HDAC9: variants seen among roughly 807,000 people sequenced by gnomAD.
HDAC9 encodes histone deacetylase 9, also known as MEF-2 interacting transcription repressor (MITR) protein.
HDAC9 carries 41 observed loss-of-function variants against 139.4 expected under a neutral mutation model. That is an observed-to-expected ratio of 0.29 (90% CI 0.23 to 0.38). The LOEUF (loss-of-function observed/expected upper bound fraction) is 0.38. Among genes scored for constraint, HDAC9 ranks in the 10% least tolerant of loss-of-function variants. The pLI is 1.00. For missense variants in HDAC9, 1,147 were observed against 1,297.0 expected (o/e 0.88, Z 1.78); for synonymous variants, 517 against 476.2 (o/e 1.09, Z -1.12).
intron 23 of HDAC9, among the ~76,000 whole-genome samples, chr7:18,945,198 G>T (rs1030196439): frequency 6.6e-6 from 1 of 152,136 alleles, no homozygotes; most frequent in African/African-American, 2.4e-5. Context: ...ACTCCATATT[G>T]TCAGTCTTTT....
chr7:18,736,639 G>A (rs531348036), intron 13 of HDAC9, among the ~76,000 whole-genome samples: 33 of 152,212 alleles, frequency 2.2e-4, no homozygotes, highest in Non-Finnish European at 5.9e-5. Context: ...GGTTTGCCAG[G>A]ATTTTATTGA....
chr7:18,721,778 C>CA (rs1311942227), intron 12 of HDAC9, among the ~76,000 whole-genome samples: 1 of 152,076 alleles, frequency 6.6e-6, no homozygotes. Context: ...TCTGTTATTA[C>CA]AAAAAACGGA....
intron 16 of HDAC9, chr7:18,793,133 C>T: frequency 1.8e-6 from 1 of 542,488 alleles, no homozygotes; most frequent in Non-Finnish European, 3.3e-6. Flanking sequence ...AAAGTATAAG[C>T]AAAGCCATGT....
At chr7:18,142,150 C>A (rs1024155310) in intron 1 of HDAC9, among the ~76,000 whole-genome samples, 2 of 152,130 alleles carry the variant, frequency 1.3e-5, no homozygotes, top group African/African-American at 2.4e-5. Context: ...GAGTATAGAG[C>A]AAGGCTACAA....
chr7:18,454,794 T>C (rs1793196380), intron 1 of HDAC9, among the ~76,000 whole-genome samples: 1 of 152,104 alleles, frequency 6.6e-6, no homozygotes, highest in Non-Finnish European at 1.5e-5. Flanking sequence ...TTTATTTAAC[T>C]GTTTTGTTGT....
chr7:18,366,292 G>A (rs1169864228), intron 1 of HDAC9, among the ~76,000 whole-genome samples: 3 of 152,024 alleles, frequency 2.0e-5, no homozygotes, highest in African/African-American at 7.2e-5. Flanking sequence ...TCACAAACAG[G>A]GTCAGTTATT....
intron 21 of HDAC9, among the ~76,000 whole-genome samples, chr7:18,858,968 T>G (rs1797890399): frequency 6.6e-6 from 1 of 152,136 alleles, no homozygotes; most frequent in African/African-American, 2.4e-5. Flanking sequence ...AAACACTATT[T>G]TTTCATCCAA....
At chr7:18,801,120 A>T (rs1793251148) in intron 17 of HDAC9, among the ~76,000 whole-genome samples, 1 of 151,944 alleles carries the variant, frequency 6.6e-6, no homozygotes, top group Non-Finnish European at 1.5e-5. Flanking sequence ...GTATTTCCTT[A>T]TTACATGGGC....
At chr7:18,149,177 G>C (rs969516616) in intron 1 of HDAC9, among the ~76,000 whole-genome samples, 2 of 151,838 alleles carry the variant, frequency 1.3e-5, no homozygotes, top group African/African-American at 2.4e-5. Context: ...ATAATTATTA[G>C]CTGCTGAAAT....
At position 18,329,653 on chromosome 7, in the gene HDAC9, G is replaced by A. The variant is rs79410189; in HGVS notation, c.-42+39138G>A. Among the ~76,000 whole-genome samples, 980 of 151,652 alleles carry A rather than the reference G, an allele frequency of 6.5e-3. 10 individuals carry two copies. The highest frequency in any genetic ancestry group is 0.022 in the African/African-American group (912 of 41,408). ...GTGCTCTCTGATTCACAAAAGTGAT[G>A]TGCCTGTCAGGGGATCAGATTGCTC... On this transcript the variant is annotated intron_variant, in intron 1 of 3. Transcript: ENST00000413509.
chr7:18,939,687 AGTT>A (rs1412235953), intron 23 of HDAC9, among the ~76,000 whole-genome samples: 1 of 152,206 alleles, frequency 6.6e-6, no homozygotes, highest in Non-Finnish European at 1.5e-5. Context: ...TTTTCACAGT[AGTT>A]TTATATGGTA....
intron 2 of HDAC9, among the ~76,000 whole-genome samples, chr7:18,169,922 A>G (rs554992578): frequency 2.4e-4 from 37 of 152,286 alleles, no homozygotes; most frequent in African/African-American, 8.9e-4. Context: ...ATAAACATAC[A>G]TGTGCATGTG....
intron 1 of HDAC9, among the ~76,000 whole-genome samples, chr7:18,412,064 A>G (rs1585714054): frequency 6.7e-6 from 1 of 150,064 alleles, no homozygotes; most frequent in East Asian, 2.0e-4. Flanking sequence ...CTGACCTCAA[A>G]TGATCCGCTT....
intron 1 of HDAC9, among the ~76,000 whole-genome samples, chr7:18,312,079 C>G (rs950919553): frequency 6.6e-6 from 1 of 152,186 alleles, no homozygotes; most frequent in African/African-American, 2.4e-5. Context: ...GGCCTATTGT[C>G]CTGACTCCTT....
At chr7:18,983,108 G>A (rs769395680) in intron 25 of HDAC9, among the ~76,000 whole-genome samples, 1 of 152,038 alleles carries the variant, frequency 6.6e-6, no homozygotes, top group East Asian at 1.9e-4. Flanking sequence ...TCATCTTCCC[G>A]CCTCATCCTT....
At chr7:18,334,646 C>CA (rs1489379011) in intron 1 of HDAC9, among the ~76,000 whole-genome samples, 1 of 151,342 alleles carries the variant, frequency 6.6e-6, no homozygotes, top group East Asian at 1.9e-4. Context: ...AAACTCCACT[C>CA]AAATAGTAAT....
At chr7:18,627,459 T>C (rs1053896445) in intron 6 of HDAC9, among the ~76,000 whole-genome samples, 1 of 152,236 alleles carries the variant, frequency 6.6e-6, no homozygotes, top group African/African-American at 2.4e-5. Context: ...ATTTATTATC[T>C]ATAACTTTTT....
chr7:18,423,050 G>A (rs1007576411), intron 1 of HDAC9, among the ~76,000 whole-genome samples: 1 of 152,074 alleles, frequency 6.6e-6, no homozygotes, highest in Non-Finnish European at 1.5e-5. Flanking sequence ...TAATTGAGAT[G>A]CACTTTACTA....
chr7:18,904,645 C>T (rs1037071838), intron 22 of HDAC9, among the ~76,000 whole-genome samples: 1 of 145,102 alleles, frequency 6.9e-6, no homozygotes, highest in Admixed American at 7.0e-5. Context: ...TGACGCGATC[C>T]GCTCACTGCA....
Sources: gnomAD v4.1 joint callset for allele counts (sites outside exome capture counted in the v4.1 genomes callset) on GRCh38, gnomAD v4.1.1 for gene constraint, MANE v1.5 for transcripts, NCBI Gene and HGNC (gene_info 2026-07-23, HGNC 2026-07-21) for gene names.